NUP155: variants seen among roughly 807,000 people sequenced by gnomAD.
NUP155 encodes the protein nuclear pore complex protein Nup155.
A neutral mutation model predicts 180.4 loss-of-function variants in NUP155; 71 were observed. The observed-to-expected ratio is 0.39, with a 90% CI of 0.33 to 0.48. The LOEUF is 0.48. Ranked by LOEUF, NUP155 falls within the 20% of genes least tolerant of loss-of-function variation. NUP155 has a pLI of 0.91. For missense variants in NUP155, 1,553 were observed against 1,648.9 expected (o/e 0.94, Z 1.01); for synonymous variants, 582 against 559.5 (o/e 1.04, Z -0.57).
chr5:37,344,627 G>A (rs914908487), intron 9 of NUP155, among the ~76,000 whole-genome samples: 4 of 151,776 alleles, frequency 2.6e-5, no homozygotes, highest in African/African-American at 9.7e-5. Flanking sequence ...GAAGCCAGGC[G>A]CAGTGGCTCA....
chr5:37,314,489 G>A (rs945809904), intron 21 of NUP155, among the ~76,000 whole-genome samples, 161 bp from the exon 22 acceptor site: 3 of 152,126 alleles, frequency 2.0e-5, no homozygotes, highest in African/African-American at 2.4e-5. Context: ...TATCTTCTCC[G>A]TGTGTGTATA....
intron 10 of NUP155, 92 bp from the exon 11 acceptor site, chr5:37,341,334 C>T (rs1279840345): frequency 4.8e-6 from 5 of 1,050,012 alleles, no homozygotes; most frequent in Non-Finnish European, 7.4e-6. Flanking sequence ...CAATGCAACA[C>T]TCTGCTAAAA....
chr5:37,310,708 T>G lies in NUP155; in HGVS notation c.2472A>C (p.Lys824Asn). Reference protein sequence around the residue: ...LQEQLKITTFKDLVIRDKELT... With the variant: ...LQEQLKITTFNDLVIRDKELT... ...GTTCTTTGTCCCTGATTACAAGATC[T>G]TTAAAGGTGGTGATCTTCAGCTGCT... is the stretch of plus-strand genomic sequence containing the variant. Residue 824 changes from lysine to asparagine, a missense_variant, in exon 23 of 35, where the codon AAA becomes AAC. By Grantham distance (94) the Lys-to-Asn change is moderately conservative (BLOSUM62 0). Coordinates refer to ENST00000231498, the MANE Select transcript of NUP155 (RefSeq NM_153485.3). 1 of 1,613,850 alleles carries G rather than the reference T, an allele frequency of 6.2e-7. No homozygotes were observed.
intron 20 of NUP155, among the ~76,000 whole-genome samples, chr5:37,319,592 C>A (rs190556015): frequency 6.6e-6 from 1 of 152,038 alleles, no homozygotes; most frequent in African/African-American, 2.4e-5. Flanking sequence ...GGGCTGAGTG[C>A]GGATGGCTCA....
intron 1 of NUP155, among the ~76,000 whole-genome samples, chr5:37,365,711 GAGAAAAAAAAAAA>G (rs1458016512): frequency 2.9e-5 from 1 of 34,004 alleles, no homozygotes; most frequent in African/African-American, 1.6e-4. Context: ...CTGTCTCGGG[GAGAAAAAAAAAAA>G]AAAAAAAAAA....
At chr5:37,350,499 G>C (rs368380588) in intron 6 of NUP155, among the ~76,000 whole-genome samples, 5 of 152,178 alleles carry the variant, frequency 3.3e-5, no homozygotes, top group African/African-American at 1.2e-4. Flanking sequence ...AAGACATACT[G>C]TTAGATGAAA....
chr5:37,360,339 G>A (rs1747118934), intron 3 of NUP155, among the ~76,000 whole-genome samples: 2 of 151,890 alleles, frequency 1.3e-5, no homozygotes, highest in South Asian at 4.1e-4. Flanking sequence ...AAAAAAATTA[G>A]CTGGCCATGG....
intron 3 of NUP155, among the ~76,000 whole-genome samples, chr5:37,359,549 T>C (rs1041919402): frequency 2.6e-5 from 4 of 152,108 alleles, no homozygotes; most frequent in African/African-American, 7.2e-5. Flanking sequence ...AGTCCTGACC[T>C]GGAAAAAGGC....
At chr5:37,361,294 C>T (rs1175114346) in intron 3 of NUP155, among the ~76,000 whole-genome samples, 2 of 139,216 alleles carry the variant, frequency 1.4e-5, no homozygotes, top group African/African-American at 5.9e-5. Context: ...AAGACAATGG[C>T]TGAACAGAAA....
chr5:37,352,780 T>G lies in NUP155; in HGVS notation c.513A>C (p.Val171=), dbSNP rs780451343. 2.5e-6 allele frequency: 4 copies of G among 1,613,688 alleles called. No individual in the cohort carries two copies. The highest frequency in any genetic ancestry group is 1.7e-5 in the Admixed American group (1 of 59,978). ...AGCTGAGTCCAAGAATTACTATGTC[T>G]ACAGGGGTCGCCAAAACCAGGAGGT... ...VRHLLVLATP[V]DIVILGLSYA... The change falls in exon 5 of 35, where the codon GTA becomes GTC. Residue 171 remains valine (V), a synonymous_variant. Transcript: ENST00000231498.
At chr5:37,306,110 G>A (rs1014710949) in intron 25 of NUP155, among the ~76,000 whole-genome samples, 7 of 152,012 alleles carry the variant, frequency 4.6e-5, no homozygotes, top group African/African-American at 1.7e-4. Context: ...ATATGTTTTC[G>A]CCAGATGTGG....
intron 9 of NUP155, among the ~76,000 whole-genome samples, chr5:37,343,070 T>TTTTTTTC: frequency 6.6e-6 from 1 of 151,980 alleles, no homozygotes; most frequent in Non-Finnish European, 1.5e-5. Flanking sequence ...TATTTTCTTT[T>TTTTTTTC]TTTTTTCTTT....
At chr5:37,296,266 C>T (rs1215856189) in intron 32 of NUP155, among the ~76,000 whole-genome samples, 13 of 152,104 alleles carry the variant, frequency 8.5e-5, no homozygotes, top group Non-Finnish European at 1.8e-4. Context: ...ATTGAGAAAT[C>T]GGATGGTTGC....
intron 32 of NUP155, among the ~76,000 whole-genome samples, chr5:37,295,965 C>T (rs1742529955): frequency 6.8e-6 from 1 of 146,836 alleles, no homozygotes; most frequent in Admixed American, 6.7e-5. Context: ...AGTGAGGAGC[C>T]CCTCTGCCCG....
rs577959541 is a variant in NUP155, at chr5:37,298,972, C to G, written c.3689G>C (p.Ser1230Thr). Reference protein sequence around the residue: ...LWQDIIEKELSDSVTLSSSDR... With the variant: ...LWQDIIEKELTDSVTLSSSDR... ...CGAGGAGCTCAATGTCACACTGTCA[C>G]TCAATTCTGTAACAAAAAGACATGT... Residue 1230 changes from serine to threonine, a missense_variant, in exon 32 of 35, where the codon AGT becomes ACT. Coordinates refer to ENST00000231498, the MANE Select transcript of NUP155 (RefSeq NM_153485.3). 5 of 1,588,970 alleles carry G rather than the reference C, an allele frequency of 3.1e-6. No homozygotes were observed. In the East Asian group the frequency reaches 1.1e-4, roughly 36 times the overall value.
At chr5:37,298,560 A>G (rs1742705274) in intron 32 of NUP155, among the ~76,000 whole-genome samples, 1 of 152,156 alleles carries the variant, frequency 6.6e-6, no homozygotes, top group Admixed American at 6.6e-5. Context: ...AAAAACATCA[A>G]CCGTTTTTCT....
chr5:37,327,954 A>G (rs573432968), intron 17 of NUP155, among the ~76,000 whole-genome samples, 178 bp from the exon 18 acceptor site: 1 of 152,374 alleles, frequency 6.6e-6, no homozygotes, highest in Admixed American at 6.5e-5. Context: ...AATGAAATAC[A>G]TAGATATTTA....
At position 37,294,330 on chromosome 5, in the gene NUP155, C is replaced by A. The variant is rs768431722; in HGVS notation, c.3929G>T (p.Arg1310Leu). 1.9e-6 allele frequency: 3 copies of A among 1,564,382 alleles called. No homozygotes were observed. The South Asian group carries it at 3.4e-5, about 18-fold the overall frequency. The change falls in exon 33 of 35, where the codon CGG (arginine) becomes CTG (leucine). Residue 1310 changes from arginine to leucine, a missense_variant and splice_region_variant. Physicochemically the swap from Arg to Leu is moderately radical, Grantham distance 102. Transcript: ENST00000231498. Reference sequence around the variant, plus strand: ...TATGTTATTTAATATTTTCCTTACCCGTGATTTGAACAACTGATCATAAAC... The same window carrying A: ...TATGTTATTTAATATTTTCCTTACCAGTGATTTGAACAACTGATCATAAAC... ...LEVYDQLFKS[R>L]DPFWNRMKKP...
intron 3 of NUP155, among the ~76,000 whole-genome samples, chr5:37,358,864 A>C (rs969003447): frequency 1.3e-5 from 2 of 152,136 alleles, no homozygotes; most frequent in African/African-American, 4.8e-5. Flanking sequence ...TAAAATACAA[A>C]AAATTAGCCC....
Sources: allele counts gnomAD v4.1 joint callset (sites outside exome capture counted in the v4.1 genomes callset), GRCh38; gene constraint gnomAD v4.1.1; transcripts MANE v1.5; gene names NCBI Gene and HGNC (gene_info 2026-07-23, HGNC 2026-07-21).